SYN3: variants seen among roughly 807,000 people sequenced by gnomAD.
SYN3 encodes the protein synapsin-3.
Under a neutral mutation model 65.8 loss-of-function variants are expected in SYN3, and 35 were observed. The ratio of observed to expected loss-of-function variants is 0.53; its 90% CI spans 0.41 to 0.70. SYN3 has a LOEUF of 0.70. Among genes scored for constraint, SYN3 ranks in the 30% least tolerant of loss-of-function variants. The pLI, the probability that SYN3 is intolerant of heterozygous loss-of-function variation, is 0.00. For synonymous variants in SYN3, 270 were observed against 292.9 expected (o/e 0.92, Z 0.80); for missense variants, 680 against 749.0 (o/e 0.91, Z 1.08).
At chr22:32,974,691 C>T (rs532923434) in intron 3 of SYN3, among the ~76,000 whole-genome samples, 3 of 152,196 alleles carry the variant, frequency 2.0e-5, no homozygotes, top group African/African-American at 7.2e-5. Context: ...TGAACTATCA[C>T]CTTCCTGCAT....
At chr22:32,861,284 G>A (rs1363684563) in intron 6 of SYN3, 1 of 152,300 alleles carries the variant, frequency 6.6e-6, no homozygotes, top group Non-Finnish European at 1.5e-5. Context: ...TACCGGCATC[G>A]GGTTTCCTTG....
intron 1 of SYN3, chr22:33,057,898 C>T (rs549841125): frequency 2.9e-4 from 44 of 152,508 alleles, no homozygotes; most frequent in African/African-American, 1.0e-3. Flanking sequence ...TAAGGCAGGT[C>T]CTAGGAGCCG....
At chr22:32,662,920 T>C (rs2147013799) in intron 6 of SYN3, among the ~76,000 whole-genome samples, 1 of 152,300 alleles carries the variant, frequency 6.6e-6, no homozygotes, top group South Asian at 2.1e-4. Context: ...GACAATCACT[T>C]TCTGAGAAAA....
At chr22:32,773,682 T>G (rs528356946) in intron 6 of SYN3, among the ~76,000 whole-genome samples, 11 of 152,310 alleles carry the variant, frequency 7.2e-5, no homozygotes, top group Non-Finnish European at 1.3e-4. Flanking sequence ...ACTGGTCTAT[T>G]GTATGCTGGG....
At chr22:33,035,600 A>G (rs1242492760) in intron 1 of SYN3, among the ~76,000 whole-genome samples, 1 of 152,146 alleles carries the variant, frequency 6.6e-6, no homozygotes, top group Non-Finnish European at 1.5e-5. Flanking sequence ...TTTATTTGAG[A>G]CACGGTCTTG....
intron 6 of SYN3, among the ~76,000 whole-genome samples, chr22:32,699,619 GT>G (rs2060784879): frequency 6.6e-6 from 1 of 152,008 alleles, no homozygotes; most frequent in South Asian, 2.1e-4. Flanking sequence ...GGCCCAATTT[GT>G]TTACCTTCAA....
intron 6 of SYN3, among the ~76,000 whole-genome samples, chr22:32,736,902 C>G (rs1051154385): frequency 7.2e-5 from 11 of 152,122 alleles, no homozygotes; most frequent in Admixed American, 3.3e-4. Flanking sequence ...TCTTCAAATG[C>G]TCTCCTATTC....
At chr22:32,959,039 A>AAAAAATAGT (rs1022273127) in intron 3 of SYN3, among the ~76,000 whole-genome samples, 4 of 152,228 alleles carry the variant, frequency 2.6e-5, no homozygotes, top group Non-Finnish European at 4.4e-5. Context: ...CTAAAAATAC[A>AAAAAATAGT]AAAAATAGTA....
chr22:32,952,299 GGTGT>G (rs142987546), intron 3 of SYN3, among the ~76,000 whole-genome samples: 21 of 150,278 alleles, frequency 1.4e-4, no homozygotes, highest in Non-Finnish European at 2.8e-4. Context: ...TGTGTGGGGG[GGTGT>G]GTGTGTGTGT....
At chr22:32,748,934 T>G (rs534883930) in intron 6 of SYN3, among the ~76,000 whole-genome samples, 2 of 152,310 alleles carry the variant, frequency 1.3e-5, no homozygotes, top group Admixed American at 6.5e-5. Flanking sequence ...TTCTGTTTCC[T>G]GGGTTTCCCT....
chr22:32,596,653 T>C (rs1264107796), intron 7 of SYN3, 21 bp downstream of exon 7: 6 of 1,613,182 alleles, frequency 3.7e-6, no homozygotes, highest in Non-Finnish European at 5.1e-6. Flanking sequence ...CCACTGTGAG[T>C]GGAAGGGCTG....
intron 3 of SYN3, among the ~76,000 whole-genome samples, chr22:32,936,482 G>T (rs1347982705): frequency 6.8e-6 from 1 of 146,776 alleles, no homozygotes; most frequent in Non-Finnish European, 1.5e-5. Context: ...AATCTGCAGA[G>T]AAAAAATAAA....
At chr22:32,921,219 T>C (rs1306767570) in intron 4 of SYN3, among the ~76,000 whole-genome samples, 6 of 152,160 alleles carry the variant, frequency 3.9e-5, no homozygotes, top group Admixed American at 2.6e-4. Context: ...ACATAGTAGG[T>C]CCTTAATAAA....
chr22:32,569,376 T>TA (rs919888461), intron 7 of SYN3, among the ~76,000 whole-genome samples: 2 of 149,278 alleles, frequency 1.3e-5, no homozygotes, highest in South Asian at 4.2e-4. Context: ...TATACCTATC[T>TA]AAAATCTATC....
chr22:32,755,945 A>G (rs904047470), intron 6 of SYN3, among the ~76,000 whole-genome samples: 1 of 152,094 alleles, frequency 6.6e-6, no homozygotes, highest in African/African-American at 2.4e-5. Context: ...GCTGGAAACC[A>G]TCATTCTCAG....
chr22:32,792,144 A>G (rs919448519), intron 6 of SYN3, among the ~76,000 whole-genome samples: 2 of 152,214 alleles, frequency 1.3e-5, no homozygotes, highest in Admixed American at 6.5e-5. Flanking sequence ...TGAAAATCCT[A>G]CGAGGTATGC....
chr22:32,929,778 C>T (rs868281086), intron 4 of SYN3, among the ~76,000 whole-genome samples: 6 of 152,222 alleles, frequency 3.9e-5, no homozygotes, highest in Middle Eastern at 3.4e-3. Context: ...GTGAGTGGCC[C>T]TGAGTGTTGA....
intron 7 of SYN3, among the ~76,000 whole-genome samples, chr22:32,556,253 C>A (rs1053776887): frequency 6.6e-6 from 1 of 152,152 alleles, no homozygotes; most frequent in Admixed American, 6.5e-5. Flanking sequence ...TCCTAAATAA[C>A]TACAATTACT....
At chr22:32,875,300 T>G (rs2048954413) in intron 4 of SYN3, among the ~76,000 whole-genome samples, 1 of 152,128 alleles carries the variant, frequency 6.6e-6, no homozygotes, top group South Asian at 2.1e-4. Flanking sequence ...CTTTGTAAAG[T>G]GCTAGGAGGT....
Sources: gnomAD v4.1 joint callset for allele counts (sites outside exome capture counted in the v4.1 genomes callset) on GRCh38, gnomAD v4.1.1 for gene constraint, MANE v1.5 for transcripts, NCBI Gene and HGNC (gene_info 2026-07-23, HGNC 2026-07-21) for gene names.